The following CENPI variants were observed in gnomAD, a reference collection of about 807,000 sequenced individuals.
CENPI encodes the protein centromere protein I.
CENPI carries 4 observed loss-of-function variants against 60.4 expected under a neutral mutation model. The ratio of observed to expected loss-of-function variants is 0.07; its 90% CI spans 0.03 to 0.15. The LOEUF (loss-of-function observed/expected upper bound fraction) is 0.15, where lower values mean the gene tolerates loss of function less well. Ranked by LOEUF, CENPI falls within the 10% of genes least tolerant of loss-of-function variation. CENPI has a pLI of 1.00. For missense variants in CENPI, 444 were observed against 534.5 expected (o/e 0.83, Z 1.67); for synonymous variants, 157 against 189.4 (o/e 0.83, Z 1.40).
intron 8 of CENPI, among the ~76,000 whole-genome samples, chrX:101,125,746 C>A (rs1003313344): frequency 9.0e-6 from 1 of 111,613 alleles, no homozygotes; most frequent in Admixed American, 9.6e-5. Flanking sequence ...TGGGAGAACC[C>A]AGAATTAATC....
At chrX:101,158,839 C>T (rs186903028) in intron 20 of CENPI, among the ~76,000 whole-genome samples, 1 of 110,921 alleles carries the variant, frequency 9.0e-6, no homozygotes, top group African/African-American at 3.3e-5. Context: ...CCATGTTGGT[C>T]AGGCGGGTCT....
chrX:101,148,213 A>G, intron 20 of CENPI, 52 bp downstream of exon 20: 1 of 965,946 alleles, frequency 1.0e-6, no homozygotes, highest in Non-Finnish European at 1.5e-6. Context: ...CTGTGGTGGC[A>G]GAAATAGGAA....
At chrX:101,118,749 C>T (rs1268182892) in intron 6 of CENPI, among the ~76,000 whole-genome samples, 1 of 112,334 alleles carries the variant, frequency 8.9e-6, no homozygotes, top group Non-Finnish European at 1.9e-5. Flanking sequence ...GTGTAACACT[C>T]ATTTCATATT....
At chrX:101,171,540 A>C in the CENPI span, among the ~76,000 whole-genome samples, 2 of 111,363 alleles carry the variant, frequency 1.8e-5, no homozygotes, top group Non-Finnish European at 3.8e-5. Flanking sequence ...AGGCTCACTC[A>C]ATCTTCCTGC....
chrX:101,105,780 A>G (rs1273878250), intron 4 of CENPI, among the ~76,000 whole-genome samples: 1 of 111,569 alleles, frequency 9.0e-6, no homozygotes, highest in Non-Finnish European at 1.9e-5. Flanking sequence ...GGTTATCTTG[A>G]TGTCTGCTAG....
Position 101,161,323 on chromosome X carries a change from T to C in CENPI, c.2095-205T>C, listed in dbSNP as rs906068243. Among the ~76,000 whole-genome samples the C allele has an allele frequency of 3.6e-5, 4 of 112,208 alleles. No homozygotes were observed. In the Admixed American group the frequency reaches 3.8e-4, roughly 11 times the overall value. Reference sequence around the variant, plus strand: ...TAGTTTAAGAGTTTTCACTTAGCAATAATTTTTAAAATGTTATTTCTTAAA... The same window carrying C: ...TAGTTTAAGAGTTTTCACTTAGCAACAATTTTTAAAATGTTATTTCTTAAA... On this transcript the variant is annotated intron_variant, in intron 20 of 21. Transcript: ENST00000682095.
chrX:101,098,975 G>A (rs1311661260), intron 2 of CENPI: 1 of 111,270 alleles, frequency 9.0e-6, no homozygotes, highest in Non-Finnish European at 1.9e-5. Flanking sequence ...TGACTTCATC[G>A]CTCATTACCT....
intron 8 of CENPI, among the ~76,000 whole-genome samples, chrX:101,126,071 T>C (rs761365602): frequency 1.8e-5 from 2 of 112,404 alleles, no homozygotes; most frequent in South Asian, 7.2e-4. Flanking sequence ...GCTGCCTTTG[T>C]GCAGTATTCG....
intron 2 of CENPI, among the ~76,000 whole-genome samples, chrX:101,099,226 C>T (rs1232116198): frequency 1.8e-5 from 2 of 109,857 alleles, no homozygotes; most frequent in African/African-American, 3.3e-5. Context: ...GTCAGGAGTT[C>T]GAGACCAGCC....
intron 6 of CENPI, among the ~76,000 whole-genome samples, chrX:101,115,667 A>C (rs1317951082): frequency 8.9e-6 from 1 of 111,814 alleles, no homozygotes; most frequent in Non-Finnish European, 1.9e-5. Flanking sequence ...CCTGACTCTC[A>C]CCATTTTAAA....
rs748757057 is a variant in CENPI at position 101,163,619 on chromosome X, G to T, written c.*652G>T. ...TGTGTATGTGTGCGTGTATGTGTGT[G>T]TCTGTAGCTTCAGTTTTTAAGTGTA... is the stretch of plus-strand genomic sequence containing the variant. On this transcript the variant is annotated 3_prime_UTR_variant, in exon 22 of 22. Transcript: ENST00000682095. The T allele has an allele frequency of 8.9e-6, 1 of 112,340 alleles. No homozygotes were observed. Among genetic ancestry groups the T allele is most frequent in the African/African-American group, 3.2e-5 (1 of 30,967 alleles). 9.3% of individuals were successfully genotyped at this position (112,340 alleles called of 1,213,427 possible). A position where few individuals can be genotyped will look rare whatever the true frequency, so the allele number is the denominator to read the frequency against.
At chrX:101,160,395 T>C (rs1396318852) in intron 20 of CENPI, among the ~76,000 whole-genome samples, 15 of 90,184 alleles carry the variant, frequency 1.7e-4, no homozygotes, top group African/African-American at 5.1e-4. Flanking sequence ...TTTTTTTTTT[T>C]TCTTTGATGG....
At position 101,145,936 on chromosome X, in the gene CENPI, T is replaced by A. The variant is rs762739628; in HGVS notation, c.1702-217T>A. On this transcript the variant is annotated intron_variant, in intron 17 of 21. Coordinates refer to ENST00000682095, the MANE Select transcript of CENPI (RefSeq NM_001386188.2). ...ACCTTTCCCCCCAAAAAATGAAAGA[T>A]TTGAGTAATGGCCTTCTGGAAATAA... is the stretch of plus-strand genomic sequence containing the variant. Among the ~76,000 whole-genome samples the A allele has an allele frequency of 2.5e-3, 273 of 110,016 alleles. 2 individuals carry two copies. Among genetic ancestry groups the A allele is most frequent in the African/African-American group, 8.7e-3 (265 of 30,294 alleles).
rs368346139 is a variant in CENPI, at chrX:101,110,024, G to A, written c.591+26G>A. On this transcript the variant is annotated intron_variant, in intron 6 of 21. Coordinates refer to ENST00000682095, the MANE Select transcript of CENPI (RefSeq NM_001386188.2). ...GTAAGTAAAAATTGGACAGCATTAGGCATCAATCAAATAGTACATGTGTGT... is the reference window on the plus strand; with the variant it reads ...GTAAGTAAAAATTGGACAGCATTAGACATCAATCAAATAGTACATGTGTGT... 6 of 937,692 alleles carry A rather than the reference G, an allele frequency of 6.4e-6. No individual in the cohort carries two copies. The African/African-American group carries it at 1.2e-4, about 18-fold the overall frequency. 77.3% of individuals were successfully genotyped at this position (937,692 alleles called of 1,213,427 possible).
intron 8 of CENPI, among the ~76,000 whole-genome samples, chrX:101,126,314 A>G (rs1055364619): frequency 6.2e-5 from 7 of 112,158 alleles, no homozygotes; most frequent in Non-Finnish European, 1.3e-4. Context: ...TATAATAATC[A>G]GGTATTAGCT....
chrX:101,166,168 T>C (rs1429471813), downstream of CENPI, among the ~76,000 whole-genome samples: 3 of 111,787 alleles, frequency 2.7e-5, no homozygotes, highest in East Asian at 5.6e-4. Context: ...TTTTTTTTTT[T>C]CTTCTTGAGA....
chrX:101,176,751 C>T, the CENPI span, among the ~76,000 whole-genome samples: 1 of 112,969 alleles, frequency 8.9e-6, no homozygotes, highest in Non-Finnish European at 1.9e-5. Context: ...GTTTCCTTTG[C>T]TGCGCAAAAG....
intron 16 of CENPI, chrX:101,141,068 A>G (rs2089911099): frequency 7.1e-6 from 1 of 141,431 alleles, no homozygotes; most frequent in Admixed American, 8.6e-5. Flanking sequence ...AGTTTAACTC[A>G]TTTTATAAAT....
intron 20 of CENPI, among the ~76,000 whole-genome samples, chrX:101,159,614 G>A (rs1052947191): frequency 1.5e-4 from 17 of 110,464 alleles, no homozygotes; most frequent in South Asian, 3.8e-4. Context: ...ATCTGCCACC[G>A]TGCCCAGCTA....
Sources: allele counts gnomAD v4.1 joint callset (sites outside exome capture counted in the v4.1 genomes callset), GRCh38; gene constraint gnomAD v4.1.1; transcripts MANE v1.5; gene names NCBI Gene and HGNC (gene_info 2026-07-23, HGNC 2026-07-21).